Variants in TRHDE observed in about 807,000 individuals in gnomAD.
TRHDE encodes thyrotropin releasing hormone degrading enzyme, also known as thyrotropin-releasing hormone-degrading ectoenzyme.
A neutral mutation model predicts 125.7 loss-of-function variants in TRHDE; 72 were observed. The ratio of observed to expected loss-of-function variants is 0.57; its 90% confidence interval spans 0.47 to 0.70. The LOEUF (loss-of-function observed/expected upper bound fraction) is 0.70, where lower values mean the gene tolerates loss of function less well. Among genes scored for constraint, TRHDE ranks in the 30% least tolerant of loss-of-function variants. TRHDE has a pLI of 0.00. For synonymous variants in TRHDE, 509 were observed against 509.1 expected (o/e 1.00, Z 0.00); for missense variants, 1,110 against 1,327.1 (o/e 0.84, Z 2.54).
intron 2 of TRHDE, among the ~76,000 whole-genome samples, chr12:72,250,948 CTTAT>C (rs1878671278): frequency 1.3e-5 from 2 of 150,014 alleles, no homozygotes; most frequent in East Asian, 1.9e-4. Flanking sequence ...TTTGGTCTCT[CTTAT>C]TTATTTAACT....
intron 2 of TRHDE, among the ~76,000 whole-genome samples, chr12:72,239,005 C>T (rs1239705963): frequency 6.6e-6 from 1 of 152,170 alleles, no homozygotes; most frequent in South Asian, 2.1e-4. Context: ...TACACTCCCC[C>T]CAACAGTGTA....
intron 2 of TRHDE, among the ~76,000 whole-genome samples, chr12:72,163,770 G>A (rs941181466): frequency 2.0e-5 from 3 of 152,150 alleles, no homozygotes; most frequent in African/African-American, 2.4e-5. Context: ...TCTTAGAATG[G>A]GTTTAACATG....
In TRHDE at chr12:72,614,330, A is replaced by ATATATATATATTT. The variant is rs531067163; in HGVS notation, c.2322-4560_2322-4559insATATATATATTTT. ...TACATATGTATATATATATATATAT[A>ATATATATATATTT]TTTTTTTTTTCTCTAGAAACTGATC... On this transcript the variant is annotated intron_variant, in intron 12 of 18. Transcript: ENST00000261180. Among the ~76,000 whole-genome samples, 567 of 129,806 alleles carry ATATATATATATTT rather than the reference A, an allele frequency of 4.4e-3. 6 individuals carry two copies. Among genetic ancestry groups the ATATATATATATTT allele is most frequent in the African/African-American group, 0.011 (358 of 32,768 alleles). The allele number at this position is 129,806 out of a possible 152,430, so 85.2% of individuals were successfully genotyped here. A position where few individuals can be genotyped will look rare whatever the true frequency, so the allele number is the denominator to read the frequency against.
At chr12:72,552,397 A>G (rs528515774) in intron 7 of TRHDE, among the ~76,000 whole-genome samples, 1 of 152,256 alleles carries the variant, frequency 6.6e-6, no homozygotes, top group South Asian at 2.1e-4. Flanking sequence ...GGTATGCGAG[A>G]TGAGGAAGAG....
At chr12:72,547,089 C>A (rs1259536228) in intron 7 of TRHDE, among the ~76,000 whole-genome samples, 1 of 151,488 alleles carries the variant, frequency 6.6e-6, no homozygotes, top group African/African-American at 2.4e-5. Context: ...AACCGTCTGA[C>A]ACATTTGATC....
chr12:72,656,263 G>A (rs1874705825), intron 17 of TRHDE, among the ~76,000 whole-genome samples: 2 of 152,102 alleles, frequency 1.3e-5, no homozygotes, highest in African/African-American at 4.8e-5. Context: ...TGAACAAGTA[G>A]ATGTTTTACT....
At chr12:72,289,759 G>A (rs1205596522) in intron 2 of TRHDE, among the ~76,000 whole-genome samples, 1 of 152,154 alleles carries the variant, frequency 6.6e-6, no homozygotes, top group African/African-American at 2.4e-5. Flanking sequence ...AAGCAATAAA[G>A]AAAAATATAT....
At chr12:72,311,983 G>A (rs147206779) in intron 2 of TRHDE, among the ~76,000 whole-genome samples, 2 of 152,248 alleles carry the variant, frequency 1.3e-5, no homozygotes, top group Admixed American at 1.3e-4. Flanking sequence ...TAGCAAAGAT[G>A]TAGAGAGAAG....
At chr12:72,476,254 T>C (rs962836246) in intron 5 of TRHDE, among the ~76,000 whole-genome samples, 1 of 152,208 alleles carries the variant, frequency 6.6e-6, no homozygotes, top group Non-Finnish European at 1.5e-5. Context: ...GCTATTTGAT[T>C]GCTTTTGCTT....
chr12:72,452,875 GC>G (rs1266590917), intron 3 of TRHDE, among the ~76,000 whole-genome samples: 1 of 152,046 alleles, frequency 6.6e-6, no homozygotes, highest in Non-Finnish European at 1.5e-5. Context: ...TTCCCTAGAA[GC>G]CAAGCAGAGG....
At chr12:72,356,159 C>T (rs1295266478) in intron 2 of TRHDE, among the ~76,000 whole-genome samples, 6 of 151,664 alleles carry the variant, frequency 4.0e-5, no homozygotes, top group Non-Finnish European at 8.9e-5. Context: ...CAATAGTATA[C>T]TGGATAGAGA....
chr12:72,400,872 A>G (rs1202059986), intron 3 of TRHDE, among the ~76,000 whole-genome samples: 2 of 152,174 alleles, frequency 1.3e-5, no homozygotes, highest in African/African-American at 2.4e-5. Flanking sequence ...GTGACTTTCA[A>G]TTATAAAAGA....
chr12:72,582,205 C>A, intron 12 of TRHDE: 1 of 966,440 alleles, frequency 1.0e-6, no homozygotes. Context: ...AAATAATACG[C>A]TTTTATTTAC....
chr12:72,670,534 A>G lies in TRHDE; in HGVS notation c.*7339A>G, dbSNP rs572630682. 1.3e-5 allele frequency: 2 copies of G among 151,802 alleles called. No individual in the cohort carries two copies. Among genetic ancestry groups the G allele is most frequent in the African/African-American group, 2.4e-5 (1 of 41,494 alleles). 9.4% of individuals were successfully genotyped at this position (151,802 alleles called of 1,614,324 possible). A position where few individuals can be genotyped will look rare whatever the true frequency, so the allele number is the denominator to read the frequency against. On this transcript the variant is annotated 3_prime_UTR_variant, in exon 19 of 19. Coordinates refer to ENST00000261180, the MANE Select transcript of TRHDE (RefSeq NM_013381.3). ...AGATAAGGCCAAAATAAATAATACC[A>G]TCTGTTTTTTTCACTTGAAAATACA...
chr12:72,494,038 C>A (rs1438017244), intron 5 of TRHDE, among the ~76,000 whole-genome samples: 3 of 151,992 alleles, frequency 2.0e-5, no homozygotes, highest in Non-Finnish European at 4.4e-5. Flanking sequence ...TCTTTCTTAT[C>A]CCAGAACCAG....
At chr12:72,330,026 G>A (rs1869513960) in intron 2 of TRHDE, among the ~76,000 whole-genome samples, 2 of 152,196 alleles carry the variant, frequency 1.3e-5, no homozygotes, top group Non-Finnish European at 2.9e-5. Context: ...AGTGTAGGCA[G>A]TGCCCATTTC....
At chr12:72,338,575 T>C (rs1162937456) in intron 2 of TRHDE, among the ~76,000 whole-genome samples, 2 of 152,150 alleles carry the variant, frequency 1.3e-5, no homozygotes, top group Non-Finnish European at 2.9e-5. Context: ...TTTGCCCACG[T>C]CACTTGTTTG....
At chr12:72,412,802 A>G (rs747237460) in intron 3 of TRHDE, among the ~76,000 whole-genome samples, 14 of 152,122 alleles carry the variant, frequency 9.2e-5, no homozygotes, top group Non-Finnish European at 1.6e-4. Context: ...TATACACACT[A>G]TGTAATTTCA....
chr12:72,143,420 C>T (rs1826246963), intron 2 of TRHDE, among the ~76,000 whole-genome samples: 2 of 151,434 alleles, frequency 1.3e-5, no homozygotes, highest in South Asian at 4.2e-4. Context: ...GGGATTTGTT[C>T]ATTCAGGGAA....
Sources: allele counts gnomAD v4.1 joint callset (sites outside exome capture counted in the v4.1 genomes callset), GRCh38; gene constraint gnomAD v4.1.1; transcripts MANE v1.5; gene names NCBI Gene and HGNC (gene_info 2026-07-23, HGNC 2026-07-21).